The following CCDC63 variants were observed in gnomAD, a reference collection of about 807,000 sequenced individuals.
CCDC63 encodes the protein coiled-coil domain-containing protein 63.
A neutral mutation model predicts 63.6 loss-of-function variants in CCDC63; 54 were observed. The ratio of observed to expected loss-of-function variants is 0.85; its 90% CI spans 0.68 to 1.07. The LOEUF (loss-of-function observed/expected upper bound fraction) is 1.07, where lower values mean the gene tolerates loss of function less well. Ranked by LOEUF, CCDC63 falls within the 50% of genes least tolerant of loss-of-function variation. CCDC63 has a pLI of 0.00. For missense variants in CCDC63, 637 were observed against 689.6 expected, an observed-to-expected ratio of 0.92 and a Z score of 0.86; for synonymous variants, 253 against 266.1, an observed-to-expected ratio of 0.95 and a Z score of 0.48.
At chr12:110,891,744 C>T (rs947677141) in intron 8 of CCDC63, among the ~76,000 whole-genome samples, 1 of 151,876 alleles carries the variant, frequency 6.6e-6, no homozygotes, top group African/African-American at 2.4e-5. Flanking sequence ...TGCATTTTAG[C>T]CATATTTTAA....
At chr12:110,896,486 T>C (rs1043239063) in intron 9 of CCDC63, among the ~76,000 whole-genome samples, 29 of 152,146 alleles carry the variant, frequency 1.9e-4, no homozygotes, top group Middle Eastern at 3.4e-3. Context: ...ACCTGTAAAA[T>C]AGGGGTGTGA....
At chr12:110,864,496 G>A (rs187674059) in intron 4 of CCDC63, among the ~76,000 whole-genome samples, 2 of 151,856 alleles carry the variant, frequency 1.3e-5, no homozygotes, top group Admixed American at 6.6e-5. Flanking sequence ...GGCTGCGGTG[G>A]GAGGATCACC....
intron 9 of CCDC63, among the ~76,000 whole-genome samples, chr12:110,894,586 G>A (rs1482444817): frequency 1.3e-5 from 2 of 152,182 alleles, no homozygotes; most frequent in Admixed American, 6.5e-5. Flanking sequence ...CCATTGAGGT[G>A]CTCAGAGCGG....
intron 4 of CCDC63, among the ~76,000 whole-genome samples, chr12:110,869,412 A>C (rs901319173): frequency 6.6e-6 from 1 of 152,170 alleles, no homozygotes; most frequent in South Asian, 2.1e-4. Context: ...GCCTCTAAGA[A>C]GAGAATGTGC....
chr12:110,886,748 A>G (rs1390140974), intron 8 of CCDC63, among the ~76,000 whole-genome samples: 1 of 150,314 alleles, frequency 6.7e-6, no homozygotes, highest in Non-Finnish European at 1.5e-5. Context: ...GGTCCCAGGC[A>G]GGGCATGGGG....
chr12:110,879,860 A>G (rs1176809372), intron 5 of CCDC63, 46 bp from the exon 6 acceptor site: 2 of 1,592,160 alleles, frequency 1.3e-6, no homozygotes, highest in East Asian at 2.2e-5. Flanking sequence ...AGCTTATCTT[A>G]CAAAACAGAA....
intron 4 of CCDC63, among the ~76,000 whole-genome samples, chr12:110,863,541 AT>A (rs34243608): frequency 0.22 from 30,877 of 138,250 alleles, 3,141 homozygotes; most frequent in African/African-American, 0.26. Flanking sequence ...TGTCCCAGGG[AT>A]TTTTTTTTTT....
At position 110,887,560 on chromosome 12, in the gene CCDC63, GA is replaced by G. The variant is rs540160450; in HGVS notation, c.1074+3311del. Among the ~76,000 whole-genome samples, 15 of 152,252 alleles carry G rather than the reference GA, an allele frequency of 9.9e-5. No homozygotes were observed. The East Asian group carries it at 2.7e-3, about 27-fold the overall frequency. ...GGAGTGGCGGTGGGATGGGCCATGG[GA>G]GGGGGCTGGGACCCTACCTTTTTGC... On this transcript the variant is annotated intron_variant, in intron 8 of 11. Transcript: ENST00000308208.
At chr12:110,860,215 A>G (rs1334765915) in intron 4 of CCDC63, among the ~76,000 whole-genome samples, 2 of 151,924 alleles carry the variant, frequency 1.3e-5, no homozygotes, top group Non-Finnish European at 2.9e-5. Context: ...CTTTCTTCCA[A>G]CCCTCTGATC....
chr12:110,857,161 C>G (rs1362462622), intron 3 of CCDC63, among the ~76,000 whole-genome samples: 2 of 147,184 alleles, frequency 1.4e-5, no homozygotes, highest in Non-Finnish European at 3.0e-5. Flanking sequence ...GAGTCTTGCT[C>G]TGTCTCCCAG....
chr12:110,907,209 C>T lies in CCDC63; in HGVS notation c.1547-122C>T. 1 of 905,176 alleles carries T rather than the reference C, an allele frequency of 1.1e-6. No individual in the cohort carries two copies. The highest frequency in any genetic ancestry group is 1.6e-6 in the Non-Finnish European group (1 of 612,636). The allele number at this position is 905,176 out of a possible 1,614,324, so 56.1% of individuals were successfully genotyped here. Reference sequence around the variant, plus strand: ...GTATATTTCTGTTCATTCTCCCCCTCCTTGAAACCTGAGAATTTCCATGCT... The same window carrying T: ...GTATATTTCTGTTCATTCTCCCCCTTCTTGAAACCTGAGAATTTCCATGCT... On this transcript the variant is annotated intron_variant, in intron 11 of 11. Transcript: ENST00000308208. This position sits in a 1 kb window ranked among gnomAD's most constrained non-coding sequence, Gnocchi z 4.4.
chr12:110,891,085 G>GT (rs1240743343), intron 8 of CCDC63, among the ~76,000 whole-genome samples: 1 of 151,852 alleles, frequency 6.6e-6, no homozygotes, highest in South Asian at 2.1e-4. Context: ...AGCCTGCTGT[G>GT]TTTTTTTAAT....
At chr12:110,867,895 TG>T (rs2070995090) in intron 4 of CCDC63, among the ~76,000 whole-genome samples, 1 of 119,352 alleles carries the variant, frequency 8.4e-6, no homozygotes. Flanking sequence ...ACTTCCCAGA[TG>T]GGGTGGCTGC....
At chr12:110,852,123 C>G (rs16941053) in intron 1 of CCDC63, among the ~76,000 whole-genome samples, 1 of 152,110 alleles carries the variant, frequency 6.6e-6, no homozygotes, top group South Asian at 2.1e-4. Context: ...TAACTATGGG[C>G]TAGATGAAGT....
rs2070813391 is a variant in CCDC63 at position 110,858,792 on chromosome 12, A to C, written c.369+17A>C. 1 of 1,608,226 alleles carries C rather than the reference A, an allele frequency of 6.2e-7. No homozygotes were observed. Among genetic ancestry groups the C allele is most frequent in the Non-Finnish European group, 8.5e-7 (1 of 1,176,598 alleles). ...GATGAGAAGGTGTGGTCTTTCTCTT[A>C]AAGGGTTAACCAGAACACAGAGCAA... On this transcript the variant is annotated intron_variant, in intron 4 of 11. Coordinates refer to ENST00000308208, the MANE Select transcript of CCDC63 (RefSeq NM_152591.3).
intron 4 of CCDC63, among the ~76,000 whole-genome samples, chr12:110,864,411 G>A (rs1017544985): frequency 6.8e-6 from 1 of 147,600 alleles, no homozygotes. Context: ...GCAACATAGC[G>A]AGACCCTGTC....
At chr12:110,873,204 C>A (rs982424710) in intron 4 of CCDC63, among the ~76,000 whole-genome samples, 2 of 152,076 alleles carry the variant, frequency 1.3e-5, no homozygotes, top group Non-Finnish European at 2.9e-5. Context: ...CCACAGCACT[C>A]CAGCCTGGGC....
At chr12:110,867,619 A>G (rs1472643158) in intron 4 of CCDC63, among the ~76,000 whole-genome samples, 1 of 87,754 alleles carries the variant, frequency 1.1e-5, no homozygotes, top group Non-Finnish European at 2.2e-5. Flanking sequence ...CTGGCCGGGC[A>G]GAGGGGCTCC....
At chr12:110,857,353 C>T (rs565982594) in intron 3 of CCDC63, among the ~76,000 whole-genome samples, 2 of 150,850 alleles carry the variant, frequency 1.3e-5, no homozygotes, top group Admixed American at 1.3e-4. Context: ...TCTCGAACTC[C>T]TGACCTCATG....
Sources: gnomAD v4.1 joint callset for allele counts (sites outside exome capture counted in the v4.1 genomes callset) on GRCh38, gnomAD v4.1.1 for gene constraint, Gnocchi (gnomAD v3.1) non-coding constraint, MANE v1.5 for transcripts, NCBI Gene and HGNC (gene_info 2026-07-23, HGNC 2026-07-21) for gene names.